The following MYT1L variants were observed in gnomAD, a reference collection of about 807,000 sequenced individuals.
MYT1L encodes myelin transcription factor 1 like, also known as myelin transcription factor 1-like protein.
Under a neutral mutation model 126.7 loss-of-function variants are expected in MYT1L, and 12 were observed. The observed-to-expected ratio is 0.09, with a 90% CI of 0.06 to 0.15. The LOEUF is 0.15. MYT1L is among the 10% of genes least tolerant of loss of function. The pLI, the probability that MYT1L is intolerant of heterozygous loss-of-function variation, is 1.00. For synonymous variants in MYT1L, 541 were observed against 604.2 expected, an observed-to-expected ratio of 0.90 and a Z score of 1.53; for missense variants, 979 against 1,585.2, an observed-to-expected ratio of 0.62 and a Z score of 6.49.
At chr2:2,201,671 C>T (rs915355546) in intron 2 of MYT1L, among the ~76,000 whole-genome samples, 60 of 150,260 alleles carry the variant, frequency 4.0e-4, no homozygotes, top group Admixed American at 2.0e-4. Context: ...GCACTCCAGC[C>T]TGGGCAACAG....
At chr2:1,934,973 G>C (rs1660988025) in intron 9 of MYT1L, among the ~76,000 whole-genome samples, 1 of 152,168 alleles carries the variant, frequency 6.6e-6, no homozygotes, top group Non-Finnish European at 1.5e-5. Context: ...GAAATTGAGA[G>C]GACATCAGGG....
chr2:2,204,683 C>T (rs1179060497), intron 2 of MYT1L, among the ~76,000 whole-genome samples: 1 of 151,444 alleles, frequency 6.6e-6, no homozygotes, highest in Non-Finnish European at 1.5e-5. Flanking sequence ...ACTAGTTCAA[C>T]CACTGTGGAA....
rs1430076296 is a variant in MYT1L at position 1,917,880 on chromosome 2, C to A, written c.1484-541G>T. On this transcript the variant is annotated intron_variant, in intron 10 of 24. Coordinates refer to ENST00000647738, the MANE Select transcript of MYT1L (RefSeq NM_001303052.2). The surrounding 1 kb of genome is among the most constrained non-coding windows in gnomAD (Gnocchi z 5.9). Reference sequence around the variant, plus strand: ...TCAAGTGACATTGTTTCGTAGCACACCAATTCAGCGCTTTTCTGAAAATAA... The same window carrying A: ...TCAAGTGACATTGTTTCGTAGCACAACAATTCAGCGCTTTTCTGAAAATAA... Among the ~76,000 whole-genome samples the A allele has an allele frequency of 6.6e-6, 1 of 152,156 alleles. No individual in the cohort carries two copies. The highest frequency in any genetic ancestry group is 2.4e-5 in the African/African-American group (1 of 41,422).
intron 1 of MYT1L, among the ~76,000 whole-genome samples, chr2:2,314,806 A>G (rs948866647): frequency 6.6e-6 from 1 of 152,222 alleles, no homozygotes; most frequent in African/African-American, 2.4e-5. Flanking sequence ...TGAAAACAGT[A>G]TGGTACTGGT....
At chr2:2,322,207 G>T (rs1474426128) in intron 1 of MYT1L, among the ~76,000 whole-genome samples, 1 of 149,260 alleles carries the variant, frequency 6.7e-6, no homozygotes, top group Non-Finnish European at 1.5e-5. Flanking sequence ...CCAAAGCAAT[G>T]CCCTCTATGG....
chr2:1,797,563 C>T (rs567936036), intron 23 of MYT1L, among the ~76,000 whole-genome samples: 10 of 152,254 alleles, frequency 6.6e-5, no homozygotes, highest in Admixed American at 5.9e-4. Context: ...GTGAAGACCC[C>T]GACGCAGACT....
chr2:1,838,040 T>A (rs1177090357), intron 21 of MYT1L, among the ~76,000 whole-genome samples: 1 of 151,960 alleles, frequency 6.6e-6, no homozygotes, highest in Non-Finnish European at 1.5e-5. Context: ...GCCTCCCGAG[T>A]AGCTGGGATT....
intron 2 of MYT1L, among the ~76,000 whole-genome samples, chr2:2,208,303 A>T (rs2093385106): frequency 1.3e-5 from 2 of 152,212 alleles, no homozygotes; most frequent in Non-Finnish European, 2.9e-5. Flanking sequence ...GTCACTTTTT[A>T]AAAAGTTCGC....
At chr2:2,312,723 G>C (rs574683215) in intron 1 of MYT1L, among the ~76,000 whole-genome samples, 1 of 152,126 alleles carries the variant, frequency 6.6e-6, no homozygotes, top group Non-Finnish European at 1.5e-5. Context: ...GGATCCCATG[G>C]AGATAGAGAC....
intron 2 of MYT1L, among the ~76,000 whole-genome samples, chr2:2,254,647 A>G (rs1303608496): frequency 6.6e-6 from 1 of 152,210 alleles, no homozygotes; most frequent in Non-Finnish European, 1.5e-5. Flanking sequence ...TTTGTTTTAA[A>G]CACCCTGAAA....
chr2:1,931,318 T>C (rs1463322941), intron 9 of MYT1L, among the ~76,000 whole-genome samples: 1 of 152,054 alleles, frequency 6.6e-6, no homozygotes, highest in African/African-American at 2.4e-5. Context: ...TTGCAGACAC[T>C]TCCTCCACCC....
chr2:2,164,683 C>T (rs1391015502), intron 3 of MYT1L, among the ~76,000 whole-genome samples: 2 of 152,188 alleles, frequency 1.3e-5, no homozygotes, highest in East Asian at 3.8e-4. Context: ...TCTGCATAAA[C>T]TTGTGACATT....
At chr2:2,039,438 G>A (rs1049053483) in intron 4 of MYT1L, among the ~76,000 whole-genome samples, 3 of 152,054 alleles carry the variant, frequency 2.0e-5, no homozygotes, top group Non-Finnish European at 2.9e-5. Flanking sequence ...CTTGATGTAT[G>A]TAGTCTATGG....
intron 21 of MYT1L, among the ~76,000 whole-genome samples, chr2:1,817,733 C>T (rs928339381): frequency 1.3e-5 from 2 of 152,280 alleles, no homozygotes; most frequent in East Asian, 1.9e-4. Flanking sequence ...CCCGGGCTCT[C>T]GGGAAAGTCC....
intron 14 of MYT1L, among the ~76,000 whole-genome samples, chr2:1,899,209 G>A (rs751060003): frequency 1.3e-5 from 2 of 152,220 alleles, no homozygotes; most frequent in East Asian, 1.9e-4. Flanking sequence ...TGGGAACTGC[G>A]CGATTGTTTT....
chr2:2,220,187 G>T (rs1173709545), intron 2 of MYT1L, among the ~76,000 whole-genome samples: 1 of 152,170 alleles, frequency 6.6e-6, no homozygotes, highest in Non-Finnish European at 1.5e-5. Context: ...GCCCTCAGAG[G>T]GTCCTGAGAA....
At chr2:1,977,795 G>A (rs1213289203) in intron 8 of MYT1L, among the ~76,000 whole-genome samples, 1 of 152,100 alleles carries the variant, frequency 6.6e-6, no homozygotes, top group African/African-American at 2.4e-5. Flanking sequence ...TTTTTCTCAT[G>A]GGTGACTAAC....
chr2:2,020,729 T>A (rs944201144), intron 4 of MYT1L, among the ~76,000 whole-genome samples: 7 of 152,272 alleles, frequency 4.6e-5, no homozygotes, highest in Non-Finnish European at 1.0e-4. Context: ...ATCAGTCTTT[T>A]GTAATGTCTA....
chr2:1,792,497 C>A (rs755797259), intron 23 of MYT1L, 33 bp from the exon 24 acceptor site: 6 of 1,601,398 alleles, frequency 3.7e-6, no homozygotes, highest in Admixed American at 1.7e-5. Context: ...ACATGTAACA[C>A]CAGGAGGACC....
Sources: allele counts gnomAD v4.1 joint callset (sites outside exome capture counted in the v4.1 genomes callset), GRCh38; gene constraint gnomAD v4.1.1; non-coding constraint Gnocchi (gnomAD v3.1); transcripts MANE v1.5; gene names NCBI Gene and HGNC (gene_info 2026-07-23, HGNC 2026-07-21).